Variants in PTPRD observed in about 807,000 individuals in gnomAD.
The protein encoded by PTPRD is receptor-type tyrosine-protein phosphatase delta.
PTPRD carries 34 observed loss-of-function variants against 214.5 expected under a neutral mutation model. The ratio of observed to expected loss-of-function variants is 0.16; its 90% CI spans 0.12 to 0.21. PTPRD has a LOEUF of 0.21. Among genes scored for constraint, PTPRD ranks in the 10% least tolerant of loss-of-function variants. The pLI is 1.00. For missense variants in PTPRD, 2,545 were observed against 2,398.7 expected (o/e 1.06, Z -1.27); for synonymous variants, 1,128 against 845.7 (o/e 1.33, Z -5.79).
intron 3 of PTPRD, among the ~76,000 whole-genome samples, chr9:10,043,372 A>G (rs573308328): frequency 2.0e-5 from 3 of 151,980 alleles, no homozygotes; most frequent in East Asian, 1.9e-4. Flanking sequence ...TCATATTCCA[A>G]CTATAAAGCC....
intron 3 of PTPRD, among the ~76,000 whole-genome samples, chr9:10,299,288 T>A (rs888088967): frequency 6.6e-6 from 1 of 152,172 alleles, no homozygotes; most frequent in Non-Finnish European, 1.5e-5. Flanking sequence ...TATTGTCTAT[T>A]TTTCTAACTT....
At chr9:9,602,280 G>C (rs1461992834) in intron 7 of PTPRD, among the ~76,000 whole-genome samples, 1 of 151,910 alleles carries the variant, frequency 6.6e-6, no homozygotes, top group Admixed American at 6.6e-5. Flanking sequence ...AAATGATTTA[G>C]GCATTTTAGG....
At chr9:9,215,992 C>G (rs2099951933) in intron 9 of PTPRD, among the ~76,000 whole-genome samples, 1 of 152,114 alleles carries the variant, frequency 6.6e-6, no homozygotes, top group South Asian at 2.1e-4. Flanking sequence ...TTGAGTGTCA[C>G]CTGTATAAAC....
chr9:9,869,989 C>A (rs953322228), intron 5 of PTPRD, among the ~76,000 whole-genome samples: 1 of 151,920 alleles, frequency 6.6e-6, no homozygotes, highest in African/African-American at 2.4e-5. Context: ...TGTATACAAA[C>A]ATAAAATATT....
chr9:9,898,547 G>T (rs569969762), intron 5 of PTPRD, among the ~76,000 whole-genome samples: 5 of 152,060 alleles, frequency 3.3e-5, no homozygotes, highest in African/African-American at 1.2e-4. Context: ...CGCTCTAGAT[G>T]CGCATGCTAT....
intron 2 of PTPRD, among the ~76,000 whole-genome samples, chr9:10,403,531 T>C (rs2098310587): frequency 6.6e-6 from 1 of 151,406 alleles, no homozygotes; most frequent in Non-Finnish European, 1.5e-5. Flanking sequence ...TCACTGCTTT[T>C]GGGAGAGCGA....
chr9:8,968,527 G>A (rs934611420), intron 11 of PTPRD, among the ~76,000 whole-genome samples: 11 of 151,874 alleles, frequency 7.2e-5, no homozygotes, highest in African/African-American at 2.4e-4. Context: ...ATTTTTTCAT[G>A]TGTCAGGCAG....
rs75357466 is a variant in PTPRD, at chr9:8,881,057, G to A, written c.-104+137640C>T. Among the ~76,000 whole-genome samples, 1,489 of 152,230 alleles carry A rather than the reference G, an allele frequency of 9.8e-3. 25 individuals carry two copies. The highest frequency in any genetic ancestry group is 0.034 in the African/African-American group (1,420 of 41,532). On this transcript the variant is annotated intron_variant, in intron 11 of 45. Coordinates refer to ENST00000381196, the MANE Select transcript of PTPRD (RefSeq NM_002839.4). The stretch of plus-strand genomic sequence containing the variant: ...GCTAGAATTATAGGTGTGAGCCACC[G>A]TACCTGGCCTCAAAGGTAATTTCTG...
At chr9:9,118,105 C>T (rs1044717478) in intron 10 of PTPRD, among the ~76,000 whole-genome samples, 3 of 152,202 alleles carry the variant, frequency 2.0e-5, no homozygotes, top group African/African-American at 7.2e-5. Context: ...GAAACACCCA[C>T]ACTTGGGTTT....
intron 12 of PTPRD, among the ~76,000 whole-genome samples, chr9:8,728,196 G>A (rs1386427004): frequency 1.3e-5 from 2 of 152,166 alleles, no homozygotes; most frequent in Admixed American, 1.3e-4. Context: ...GTTGCGATGA[G>A]CCAAGATCGT....
At chr9:8,620,610 C>G (rs1007367088) in intron 14 of PTPRD, among the ~76,000 whole-genome samples, 1 of 151,698 alleles carries the variant, frequency 6.6e-6, no homozygotes, top group African/African-American at 2.4e-5. Context: ...CAGTTAATGG[C>G]GGGGGGCAGG....
chr9:9,534,139 C>T (rs2076053226), intron 8 of PTPRD, among the ~76,000 whole-genome samples: 2 of 152,022 alleles, frequency 1.3e-5, no homozygotes, highest in South Asian at 2.1e-4. Context: ...TCTCATACAT[C>T]GTGTTGCTAT....
intron 12 of PTPRD, among the ~76,000 whole-genome samples, chr9:8,642,816 T>C (rs898594277): frequency 3.3e-5 from 5 of 152,166 alleles, no homozygotes; most frequent in Non-Finnish European, 7.4e-5. Flanking sequence ...TTGTTATAAT[T>C]AGCTTCATTT....
chr9:8,905,288 T>C (rs1320689247), intron 11 of PTPRD, among the ~76,000 whole-genome samples: 1 of 152,064 alleles, frequency 6.6e-6, no homozygotes, highest in Non-Finnish European at 1.5e-5. Flanking sequence ...TAGATATGTA[T>C]AAACTTGGCC....
chr9:9,874,509 T>G (rs566269064), intron 5 of PTPRD, among the ~76,000 whole-genome samples: 76 of 152,256 alleles, frequency 5.0e-4, no homozygotes, highest in African/African-American at 1.8e-3. Context: ...TAAGCGTGCC[T>G]TTCACCAATC....
chr9:8,696,904 G>A (rs1224926952), intron 12 of PTPRD, among the ~76,000 whole-genome samples: 1 of 152,146 alleles, frequency 6.6e-6, no homozygotes, highest in African/African-American at 2.4e-5. Context: ...GCTACACAGA[G>A]GTGCACAGAA....
At chr9:9,994,039 T>A (rs1234045096) in intron 4 of PTPRD, among the ~76,000 whole-genome samples, 1 of 152,172 alleles carries the variant, frequency 6.6e-6, no homozygotes, top group Non-Finnish European at 1.5e-5. Flanking sequence ...GGGGACAATT[T>A]ATCCCCATTG....
At chr9:9,734,357 A>T (rs1596312358) in intron 7 of PTPRD, among the ~76,000 whole-genome samples, 176 bp downstream of exon 7, 1 of 152,212 alleles carries the variant, frequency 6.6e-6, no homozygotes, top group East Asian at 1.9e-4. Context: ...ATATTGTCTA[A>T]TATTGGTTAA....
rs527945813 is a variant in PTPRD at position 10,069,362 on chromosome 9, G to A, written c.-544-35572C>T. ...AGTTCCAGGAGTGTGAGCACCTGCA[G>A]GAATCAGGCTGTGAACATTAGCCCC... On this transcript the variant is annotated intron_variant, in intron 3 of 45. Transcript: ENST00000381196. Among the ~76,000 whole-genome samples the A allele has an allele frequency of 1.8e-3, 271 of 152,074 alleles. 2 individuals carry two copies. Among genetic ancestry groups the A allele is most frequent in the African/African-American group, 6.1e-3 (253 of 41,532 alleles).
Sources: gnomAD v4.1 joint callset for allele counts (sites outside exome capture counted in the v4.1 genomes callset) on GRCh38, gnomAD v4.1.1 for gene constraint, MANE v1.5 for transcripts, NCBI Gene and HGNC (gene_info 2026-07-23, HGNC 2026-07-21) for gene names.